The following GRM1 variants were observed in gnomAD, a reference collection of about 807,000 sequenced individuals.
GRM1 encodes the protein glutamate metabotropic receptor 1.
Under a neutral mutation model 90.9 loss-of-function variants are expected in GRM1, and 33 were observed. That is an observed-to-expected ratio of 0.36 (90% CI 0.28 to 0.49). The LOEUF is 0.49. Among genes scored for constraint, GRM1 ranks in the 20% least tolerant of loss-of-function variants. The pLI is 0.99. For synonymous variants in GRM1, 700 were observed against 613.2 expected (o/e 1.14, Z -2.09); for missense variants, 1,190 against 1,534.3 (o/e 0.78, Z 3.75).
At chr6:146,140,467 C>G (rs1776831800) in intron 1 of GRM1, among the ~76,000 whole-genome samples, 2 of 151,918 alleles carry the variant, frequency 1.3e-5, no homozygotes, top group Non-Finnish European at 2.9e-5. Context: ...TGGGGTTTCC[C>G]CATGATTGCC....
At chr6:146,253,957 A>G (rs1423574997) in intron 2 of GRM1, among the ~76,000 whole-genome samples, 1 of 152,080 alleles carries the variant, frequency 6.6e-6, no homozygotes, top group Non-Finnish European at 1.5e-5. Flanking sequence ...TCTCTTCATA[A>G]GACAATATTT....
chr6:146,321,909 T>G (rs1395356987), intron 3 of GRM1, among the ~76,000 whole-genome samples: 1 of 152,200 alleles, frequency 6.6e-6, no homozygotes, highest in Non-Finnish European at 1.5e-5. Context: ...GGGTCTTGAC[T>G]CTTTATCCAA....
intron 1 of GRM1, among the ~76,000 whole-genome samples, chr6:146,077,329 G>A (rs1776220209): frequency 6.6e-6 from 1 of 152,094 alleles, no homozygotes; most frequent in Admixed American, 6.6e-5. Context: ...ATTTGGATGG[G>A]GCACTTCCTG....
intron 1 of GRM1, among the ~76,000 whole-genome samples, chr6:146,154,201 G>C (rs1777439996): frequency 6.6e-6 from 1 of 152,140 alleles, no homozygotes; most frequent in Non-Finnish European, 1.5e-5. Context: ...AAGTCCAAGG[G>C]TGGGCACCCT....
chr6:146,358,172 C>G (rs1385722697), intron 5 of GRM1, among the ~76,000 whole-genome samples: 2 of 152,144 alleles, frequency 1.3e-5, no homozygotes, highest in African/African-American at 2.4e-5. Context: ...TCTTTTGAAA[C>G]TGGCATTTTT....
intron 2 of GRM1, among the ~76,000 whole-genome samples, chr6:146,260,658 C>T (rs188861072): frequency 3.6e-4 from 55 of 152,052 alleles, no homozygotes; most frequent in Admixed American, 3.1e-3. Flanking sequence ...CATCCTAAAA[C>T]GTGTGAAGTT....
chr6:146,157,170 G>A (rs2128890210), intron 1 of GRM1, among the ~76,000 whole-genome samples: 1 of 152,248 alleles, frequency 6.6e-6, no homozygotes, highest in East Asian at 1.9e-4. Flanking sequence ...ATGACAATTG[G>A]AGCAGAGAAA....
Position 146,403,907 on chromosome 6 carries a change from A to G in GRM1, c.2660+4208A>G, listed in dbSNP as rs183660968. ...CCTGAATGCCATGTGTAATGATCAA[A>G]TCAGGGTAATTAGCACATCTATCAT... On this transcript the variant is annotated intron_variant, in intron 7 of 7. Coordinates refer to ENST00000282753, the MANE Select transcript of GRM1 (RefSeq NM_001278064.2). 2.0e-5 allele frequency among the ~76,000 whole-genome samples: 3 copies of G among 152,258 alleles called. No individual in the cohort carries two copies. In the East Asian group the frequency reaches 5.8e-4, roughly 29 times the overall value.
intron 1 of GRM1, among the ~76,000 whole-genome samples, chr6:146,112,947 G>A (rs574511847): frequency 1.3e-3 from 197 of 152,242 alleles, no homozygotes; most frequent in Non-Finnish European, 2.3e-3. Context: ...ACAATCAATA[G>A]ACAGGGTAAA....
rs1012849113 is a variant in GRM1 at position 146,386,395 on chromosome 6, A to G, written c.1603-495A>G. ...CTTAGCTATCATTCTGTTTTTATGT[A>G]TATATAGTTGCTCTTGAGTGAAATT... On this transcript the variant is annotated intron_variant, in intron 5 of 7. Coordinates refer to ENST00000282753, the MANE Select transcript of GRM1 (RefSeq NM_001278064.2). Among the ~76,000 whole-genome samples the G allele has an allele frequency of 2.2e-4, 33 of 152,052 alleles. 1 individual carries two copies. Among genetic ancestry groups the G allele is most frequent in the Non-Finnish European group, 4.6e-4 (31 of 67,970 alleles).
Position 146,109,346 on chromosome 6 carries a change from C to T in GRM1, c.701-50002C>T, listed in dbSNP as rs1159303484. 2.6e-5 allele frequency among the ~76,000 whole-genome samples: 4 copies of T among 152,164 alleles called. No homozygotes were observed. In the East Asian group the frequency reaches 7.7e-4, roughly 29 times the overall value. The stretch of plus-strand genomic sequence containing the variant: ...CCACTCCAGCCTGGGCTGAAAGGGG[C>T]CAAGGCACAGCTTGGGCTGTGGCTT... On this transcript the variant is annotated intron_variant, in intron 1 of 7. Coordinates refer to ENST00000282753, the MANE Select transcript of GRM1 (RefSeq NM_001278064.2).
chr6:146,090,473 C>T (rs1776678189), intron 1 of GRM1, among the ~76,000 whole-genome samples: 1 of 152,118 alleles, frequency 6.6e-6, no homozygotes, highest in Non-Finnish European at 1.5e-5. Context: ...ATAAAATCAG[C>T]TAAGCTTGAG....
chr6:146,208,609 T>C (rs1357289530), intron 2 of GRM1, among the ~76,000 whole-genome samples: 2 of 152,138 alleles, frequency 1.3e-5, no homozygotes, highest in Non-Finnish European at 2.9e-5. Flanking sequence ...TGATCATTTA[T>C]TGTCATTATG....
At chr6:146,079,609 G>A (rs774999403) in intron 1 of GRM1, among the ~76,000 whole-genome samples, 1 of 152,156 alleles carries the variant, frequency 6.6e-6, no homozygotes, top group Non-Finnish European at 1.5e-5. Context: ...ACAGATGAGA[G>A]TGTGTCGAAC....
chr6:146,302,357 C>T (rs1436087879), intron 2 of GRM1, among the ~76,000 whole-genome samples: 3 of 149,044 alleles, frequency 2.0e-5, no homozygotes, highest in South Asian at 2.2e-4. Flanking sequence ...CCCAAGCTAT[C>T]GCTCCCCATG....
chr6:146,118,989 A>G (rs1775874642), intron 1 of GRM1, among the ~76,000 whole-genome samples: 1 of 152,208 alleles, frequency 6.6e-6, no homozygotes, highest in Non-Finnish European at 1.5e-5. Flanking sequence ...TGGTATTTCT[A>G]GTTCTAGATC....
chr6:146,277,339 G>A (rs951386998), intron 2 of GRM1, among the ~76,000 whole-genome samples: 7 of 152,152 alleles, frequency 4.6e-5, no homozygotes, highest in Admixed American at 2.0e-4. Context: ...TAAACCCTTG[G>A]AATATTCTGC....
chr6:146,292,431 C>T (rs1156646767), intron 2 of GRM1, among the ~76,000 whole-genome samples: 1 of 151,796 alleles, frequency 6.6e-6, no homozygotes, highest in African/African-American at 2.4e-5. Flanking sequence ...CATCTTACAA[C>T]TTAACAAAAT....
intron 2 of GRM1, among the ~76,000 whole-genome samples, chr6:146,240,440 T>C (rs9497503): frequency 0.11 from 15,928 of 151,260 alleles, 1,639 homozygotes; most frequent in African/African-American, 0.27. Flanking sequence ...AAACTGGTAC[T>C]ATCTGTGGCT....
Sources: allele counts gnomAD v4.1 joint callset (sites outside exome capture counted in the v4.1 genomes callset), GRCh38; gene constraint gnomAD v4.1.1; transcripts MANE v1.5; gene names NCBI Gene and HGNC (gene_info 2026-07-23, HGNC 2026-07-21).